SCIN: variants seen among roughly 807,000 people sequenced by gnomAD.
SCIN encodes scinderin, also known as adseverin.
Under a neutral mutation model 91.8 loss-of-function variants are expected in SCIN, and 91 were observed. The ratio of observed to expected loss-of-function variants is 0.99; its 90% CI spans 0.84 to 1.18. SCIN has a LOEUF of 1.18. Among genes scored for constraint, SCIN ranks in the 50% most tolerant of loss-of-function variants. SCIN has a pLI of 0.00. For missense variants in SCIN, 1,087 were observed against 863.9 expected (o/e 1.26, Z -3.24); for synonymous variants, 367 against 312.6 (o/e 1.17, Z -1.84).
chr7:12,651,130 C>A lies in SCIN; in HGVS notation c.1960-711C>A, dbSNP rs1333807976. 2.6e-5 allele frequency among the ~76,000 whole-genome samples: 4 copies of A among 152,098 alleles called. No homozygotes were observed. The highest frequency in any genetic ancestry group is 5.9e-5 in the Non-Finnish European group (4 of 68,028). ...GGCTGGATGGTTGATGCTTTTCTAC[C>A]ATTTTGAAGTTACAGAAAGAATGGG... On this transcript the variant is annotated intron_variant, in intron 14 of 15. Coordinates refer to ENST00000297029, the MANE Select transcript of SCIN (RefSeq NM_001112706.3). This position sits in a 1 kb window ranked among gnomAD's most constrained non-coding sequence, Gnocchi z 5.9.
intron 8 of SCIN, among the ~76,000 whole-genome samples, chr7:12,628,872 C>T (rs747741738): frequency 6.2e-4 from 94 of 151,882 alleles, no homozygotes; most frequent in Admixed American, 3.3e-4. Context: ...TCAATGGGCT[C>T]GGAACTGAGC....
At chr7:12,612,304 A>T (rs1219596202) in intron 4 of SCIN, among the ~76,000 whole-genome samples, 1 of 152,136 alleles carries the variant, frequency 6.6e-6, no homozygotes, top group African/African-American at 2.4e-5. Context: ...AGTCATTGGG[A>T]AAGAGGAGGT....
intron 4 of SCIN, among the ~76,000 whole-genome samples, chr7:12,617,132 AT>A (rs1397624694): frequency 6.6e-6 from 1 of 152,120 alleles, no homozygotes; most frequent in Admixed American, 6.6e-5. Context: ...TAGTCCAGTA[AT>A]TTGCAGGGTT....
intron 5 of SCIN, among the ~76,000 whole-genome samples, chr7:12,624,375 A>C (rs1283617051): frequency 3.3e-5 from 5 of 152,246 alleles, no homozygotes; most frequent in African/African-American, 1.2e-4. Context: ...AATTTGTTTT[A>C]ATAGTCTGTA....
At chr7:12,581,508 A>G (rs1782487874) in intron 3 of SCIN, among the ~76,000 whole-genome samples, 1 of 152,192 alleles carries the variant, frequency 6.6e-6, no homozygotes, top group African/African-American at 2.4e-5. Context: ...AGCTTCCTCT[A>G]ATTATTTTTG....
At chr7:12,572,498 C>T (rs1043150082) in intron 1 of SCIN, among the ~76,000 whole-genome samples, 2 of 152,130 alleles carry the variant, frequency 1.3e-5, no homozygotes, top group Non-Finnish European at 1.5e-5. Context: ...GCCACATTTG[C>T]CATTTGAGTA....
At chr7:12,578,012 C>G in intron 1 of SCIN, 52 bp from the exon 2 acceptor site, 2 of 1,460,122 alleles carry the variant, frequency 1.4e-6, no homozygotes, top group African/African-American at 1.4e-5. Context: ...GAAATTCTGC[C>G]TTAATCCTTT....
intron 3 of SCIN, among the ~76,000 whole-genome samples, chr7:12,590,048 G>A (rs185561371): frequency 1.3e-5 from 2 of 152,208 alleles, no homozygotes; most frequent in Admixed American, 6.5e-5. Flanking sequence ...ATATGGAGAC[G>A]CCACTGGATG....
chr7:12,577,940 G>A, intron 1 of SCIN, 124 bp from the exon 2 acceptor site: 1 of 776,918 alleles, frequency 1.3e-6, no homozygotes, highest in Non-Finnish European at 1.9e-6. Flanking sequence ...AAAGATCTTT[G>A]TGTAGAAGAC....
At chr7:12,613,188 A>T (rs765235575) in intron 4 of SCIN, among the ~76,000 whole-genome samples, 2 of 152,108 alleles carry the variant, frequency 1.3e-5, no homozygotes, top group East Asian at 3.9e-4. Context: ...ACTTGTCACA[A>T]TAGTGATAAT....
At chr7:12,632,015 CA>C (rs1783653315) in intron 9 of SCIN, among the ~76,000 whole-genome samples, 1 of 152,052 alleles carries the variant, frequency 6.6e-6, no homozygotes, top group Admixed American at 6.6e-5. Context: ...CTGAAGAGGA[CA>C]AACTTTATTT....
In SCIN at chr7:12,578,056, T is replaced by G; in HGVS notation, c.200-8T>G. ...TGATAATTGAGGTGCTGTTGTTCAC[T>G]GTTTTAGGAAAGGAGTGTTCCCAGG... is the stretch of plus-strand genomic sequence containing the variant. On this transcript the variant is annotated splice_polypyrimidine_tract_variant and splice_region_variant and intron_variant, in intron 1 of 15. Coordinates refer to ENST00000297029, the MANE Select transcript of SCIN (RefSeq NM_001112706.3). The G allele has an allele frequency of 6.5e-7, 1 of 1,532,092 alleles. No individual in the cohort carries two copies. The highest frequency in any genetic ancestry group is 8.8e-7 in the Non-Finnish European group (1 of 1,139,284). The allele number at this position is 1,532,092 out of a possible 1,614,324, so 94.9% of individuals were successfully genotyped here. A position where few individuals can be genotyped will look rare whatever the true frequency, so the allele number is the denominator to read the frequency against.
intron 4 of SCIN, among the ~76,000 whole-genome samples, chr7:12,605,826 A>T (rs148412824): frequency 4.6e-5 from 7 of 152,308 alleles, no homozygotes; most frequent in African/African-American, 1.4e-4. Flanking sequence ...TTAAGCTAAG[A>T]ATTATACGCA....
intron 13 of SCIN, among the ~76,000 whole-genome samples, chr7:12,645,494 T>A (rs961255255): frequency 2.6e-5 from 4 of 152,212 alleles, no homozygotes; most frequent in African/African-American, 7.2e-5. Context: ...GTATTTTTTT[T>A]AAACTTTTAT....
chr7:12,640,411 T>C lies in SCIN; in HGVS notation c.1475T>C (p.Ile492Thr). The C allele has an allele frequency of 6.2e-7, 1 of 1,613,614 alleles. No homozygotes were observed. Residue 492 changes from isoleucine (I) to threonine (T), a missense_variant, in exon 11 of 16, where the codon ATT becomes ACT. Physicochemically the swap from Ile to Thr is moderately conservative, Grantham distance 89. Coordinates refer to ENST00000297029, the MANE Select transcript of SCIN (RefSeq NM_001112706.3). ...LLSLFKDKPL[I>T]IYKNGTSKKG... ...AGTTTGTTCAAAGACAAACCGCTCA[T>C]TATTTACAAGAATGGAACATCAAAG...
chr7:12,588,805 GGGT>G (rs1340673338), intron 3 of SCIN: 1 of 36,602 alleles, frequency 2.7e-5, no homozygotes, highest in Non-Finnish European at 6.8e-5. Flanking sequence ...CAGCTGCATT[GGGT>G]GGGGGGGGGG....
intron 4 of SCIN, among the ~76,000 whole-genome samples, chr7:12,605,433 A>G (rs902157444): frequency 6.6e-6 from 1 of 152,168 alleles, no homozygotes; most frequent in Non-Finnish European, 1.5e-5. Flanking sequence ...TCCAAAGTGC[A>G]TGGGACCAGA....
rs1784144469 is a variant in SCIN, at chr7:12,655,017, G to GGCTC, written c.*2303_*2304insCTCG. 6.6e-6 allele frequency: 1 copy of GGCTC among 152,130 alleles called. No homozygotes were observed. Among genetic ancestry groups the GGCTC allele is most frequent in the African/African-American group, 2.4e-5 (1 of 41,424 alleles). The allele number at this position is 152,130 out of a possible 1,614,324, so 9.4% of individuals were successfully genotyped here. Reference sequence around the variant, plus strand: ...ATACGGTTTTTCTTCAGTATCCGCGGGAGATTGGCTCGAGGAACCCCATGG... The same window carrying GGCTC: ...ATACGGTTTTTCTTCAGTATCCGCGGGCTCGAGATTGGCTCGAGGAACCCCATGG... On this transcript the variant is annotated 3_prime_UTR_variant, in exon 16 of 16. Coordinates refer to ENST00000297029, the MANE Select transcript of SCIN (RefSeq NM_001112706.3).
At chr7:12,636,506 C>T (rs1783754868) in intron 10 of SCIN, among the ~76,000 whole-genome samples, 1 of 152,146 alleles carries the variant, frequency 6.6e-6, no homozygotes, top group Admixed American at 6.6e-5. Flanking sequence ...GTGTTCATGT[C>T]CTAATCCTCA....
Sources: gnomAD v4.1 joint callset for allele counts (sites outside exome capture counted in the v4.1 genomes callset) on GRCh38, gnomAD v4.1.1 for gene constraint, Gnocchi (gnomAD v3.1) non-coding constraint, MANE v1.5 for transcripts, NCBI Gene and HGNC (gene_info 2026-07-23, HGNC 2026-07-21) for gene names.